UNC13C: variants seen among roughly 807,000 people sequenced by gnomAD.
The protein encoded by UNC13C is unc-13 homolog C, also known as protein unc-13 homolog C.
In UNC13C, 174 loss-of-function variants were observed where a neutral mutation model predicts 245.4. That is an observed-to-expected ratio of 0.71 (90% CI 0.63 to 0.80). UNC13C has a LOEUF of 0.80. UNC13C is among the 30% of genes least tolerant of loss of function. UNC13C has a pLI of 0.00. For missense variants in UNC13C, 2,829 were observed against 2,602.9 expected, an observed-to-expected ratio of 1.09 and a Z score of -1.89; for synonymous variants, 992 against 895.1, an observed-to-expected ratio of 1.11 and a Z score of -1.93.
intron 2 of UNC13C, among the ~76,000 whole-genome samples, chr15:54,056,629 G>A (rs1284869879): frequency 2.0e-5 from 3 of 152,016 alleles, no homozygotes; most frequent in Admixed American, 1.3e-4. Context: ...GATACTCCTC[G>A]ACAAGAGCAA....
intron 19 of UNC13C, among the ~76,000 whole-genome samples, chr15:54,476,802 G>T (rs1401101087): frequency 2.0e-5 from 3 of 149,776 alleles, no homozygotes; most frequent in South Asian, 2.2e-4. Flanking sequence ...GCTCTTTTTT[G>T]GTTCCATATG....
rs143041074 is a variant in UNC13C, at chr15:54,421,702, A to G, written c.4933+6635A>G. ...ACCCATTTCATGATTCTTTATAGACATCTCATTGTTCTTGGCTCATCCTTA... is the reference window on the plus strand; with the variant it reads ...ACCCATTTCATGATTCTTTATAGACGTCTCATTGTTCTTGGCTCATCCTTA... On this transcript the variant is annotated intron_variant, in intron 19 of 32. Transcript: ENST00000260323. Among the ~76,000 whole-genome samples, 943 of 152,202 alleles carry G rather than the reference A, an allele frequency of 6.2e-3. 8 individuals carry two copies. Among genetic ancestry groups the G allele is most frequent in the African/African-American group, 0.022 (914 of 41,544 alleles).
At chr15:54,318,479 A>T (rs544706695) in intron 13 of UNC13C, among the ~76,000 whole-genome samples, 3 of 151,916 alleles carry the variant, frequency 2.0e-5, no homozygotes, top group South Asian at 2.1e-4. Context: ...ATGATTGGTG[A>T]TGTTGAACTT....
intron 30 of UNC13C, among the ~76,000 whole-genome samples, chr15:54,613,664 C>A (rs960386828): frequency 4.6e-5 from 7 of 151,892 alleles, no homozygotes; most frequent in Admixed American, 6.6e-5. Context: ...TGTGTAATAT[C>A]TTCTTTTTTA....
intron 1 of UNC13C, among the ~76,000 whole-genome samples, chr15:53,991,550 G>C (rs1285781175): frequency 6.6e-6 from 1 of 151,878 alleles, no homozygotes; most frequent in Non-Finnish European, 1.5e-5. Flanking sequence ...GATCAGACTT[G>C]GTGAATCTTA....
intron 2 of UNC13C, among the ~76,000 whole-genome samples, chr15:54,105,312 G>C (rs1900384623): frequency 1.3e-5 from 2 of 152,032 alleles, no homozygotes; most frequent in South Asian, 2.1e-4. Flanking sequence ...GTTTTCAGAT[G>C]GTCAATTATT....
At chr15:53,885,695 C>T in the UNC13C span, among the ~76,000 whole-genome samples, 2 of 152,108 alleles carry the variant, frequency 1.3e-5, no homozygotes, top group African/African-American at 2.4e-5. Context: ...GATCATGACC[C>T]TTATGATGGG....
chr15:53,939,730 C>A, the UNC13C span, among the ~76,000 whole-genome samples: 18 of 152,060 alleles, frequency 1.2e-4, no homozygotes, highest in Non-Finnish European at 2.9e-5. Context: ...GAACTAACAA[C>A]AAAAACCACA....
intron 19 of UNC13C, among the ~76,000 whole-genome samples, chr15:54,453,289 T>C (rs1217044163): frequency 6.6e-6 from 1 of 152,182 alleles, no homozygotes; most frequent in Non-Finnish European, 1.5e-5. Flanking sequence ...TCCCAGATGA[T>C]ACTAGCTGAG....
chr15:53,946,997 A>T, the UNC13C span, among the ~76,000 whole-genome samples: 5 of 152,186 alleles, frequency 3.3e-5, no homozygotes, highest in African/African-American at 1.2e-4. Context: ...TTCTAATAAA[A>T]GTTCTATTAA....
chr15:54,011,498 A>T (rs1393344284), intron 1 of UNC13C, among the ~76,000 whole-genome samples: 1 of 152,254 alleles, frequency 6.6e-6, no homozygotes, highest in Non-Finnish European at 1.5e-5. Context: ...TATCTACCTG[A>T]TTGCAGCTTA....
intron 13 of UNC13C, among the ~76,000 whole-genome samples, chr15:54,317,721 A>G (rs1366466039): frequency 3.3e-5 from 5 of 151,978 alleles, no homozygotes; most frequent in African/African-American, 7.2e-5. Flanking sequence ...ATCATCTCAC[A>G]TAGTTATCAT....
At chr15:54,592,194 A>G (rs1898828107) in intron 30 of UNC13C, among the ~76,000 whole-genome samples, 1 of 152,126 alleles carries the variant, frequency 6.6e-6, no homozygotes, top group Non-Finnish European at 1.5e-5. Flanking sequence ...AAATGTATTG[A>G]GGCTCATTTT....
At chr15:54,283,793 T>C (rs2037067475) in intron 10 of UNC13C, among the ~76,000 whole-genome samples, 1 of 152,012 alleles carries the variant, frequency 6.6e-6, no homozygotes, top group Non-Finnish European at 1.5e-5. Context: ...TTTTATCGAT[T>C]GGGCGCAGAG....
intron 2 of UNC13C, chr15:54,048,922 C>G (rs1164272165): frequency 3.6e-6 from 1 of 275,146 alleles, no homozygotes. Flanking sequence ...TAATACCACA[C>G]TGTAAATTGA....
At chr15:54,049,880 T>A in intron 2 of UNC13C, 1 of 235,844 alleles carries the variant, frequency 4.2e-6, no homozygotes, top group Non-Finnish European at 8.9e-6. Context: ...ATTTACAGTC[T>A]TCACCAGCAG....
chr15:54,189,602 CAAGATAATT>C (rs1366518559), intron 4 of UNC13C, among the ~76,000 whole-genome samples: 1 of 151,902 alleles, frequency 6.6e-6, no homozygotes, highest in Non-Finnish European at 1.5e-5. Context: ...AAAATGGAAA[CAAGATAATT>C]AAGATAATTT....
chr15:54,600,447 A>G (rs1307014152), intron 30 of UNC13C, among the ~76,000 whole-genome samples: 1 of 152,114 alleles, frequency 6.6e-6, no homozygotes, highest in Non-Finnish European at 1.5e-5. Context: ...CAGGCCAGAT[A>G]AGCTGGAGCA....
chr15:54,553,278 T>C lies in UNC13C; in HGVS notation c.5878-2154T>C, dbSNP rs1193824493. On this transcript the variant is annotated intron_variant, in intron 28 of 32. Transcript: ENST00000260323. ...ATATATTGTATTCTATATTACAATA[T>C]AGAATATTATATATTGTATTCTATA... 1.6e-4 allele frequency among the ~76,000 whole-genome samples: 16 copies of C among 102,254 alleles called. No homozygotes were observed. The East Asian group carries it at 3.8e-3, about 25-fold the overall frequency. The allele number at this position is 102,254 out of a possible 152,430, so 67.1% of individuals were successfully genotyped here.
Sources: allele counts gnomAD v4.1 joint callset (sites outside exome capture counted in the v4.1 genomes callset), GRCh38; gene constraint gnomAD v4.1.1; transcripts MANE v1.5; gene names NCBI Gene and HGNC (gene_info 2026-07-23, HGNC 2026-07-21).